Variants in RGPD4 observed in about 807,000 individuals in gnomAD.
The protein encoded by RGPD4 is ranBP2-like and GRIP domain-containing protein 4.
A neutral mutation model predicts 141.1 loss-of-function variants in RGPD4; 84 were observed. That is an observed-to-expected ratio of 0.60 (90% CI 0.50 to 0.71). RGPD4 has a LOEUF of 0.71. Ranked by LOEUF, RGPD4 falls within the 30% of genes least tolerant of loss-of-function variation. The pLI, the probability that RGPD4 is intolerant of heterozygous loss-of-function variation, is 0.00. For synonymous variants in RGPD4, 298 were observed against 566.8 expected, an observed-to-expected ratio of 0.53 and a Z score of 6.74; for missense variants, 918 against 1,622.4, an observed-to-expected ratio of 0.57 and a Z score of 7.46.
chr2:107,870,787 C>T lies in RGPD4; in HGVS notation c.2783C>T (p.Ser928Leu), dbSNP rs199639398. 183 of 1,608,098 alleles carry T rather than the reference C, an allele frequency of 1.1e-4. 3 individuals carry two copies. The highest frequency in any genetic ancestry group is 4.7e-4 in the East Asian group (21 of 44,852). The change falls in exon 20 of 23, where the codon TCG becomes TTG. Residue 928 changes from serine (S) to leucine (L), a missense_variant. By Grantham distance (145) the Ser-to-Leu change is moderately radical (BLOSUM62 -2). Transcript: ENST00000408999. ...VSADGFKFGI[S>L]EPGNQEKESE... The stretch of plus-strand genomic sequence containing the variant: ...GCTGATGGATTTAAATTTGGCATTT[C>T]GGAACCAGGAAATCAAGAAAAGGAA...
At chr2:107,873,669 A>T (rs1323004466) in intron 20 of RGPD4, among the ~76,000 whole-genome samples, 1 of 151,854 alleles carries the variant, frequency 6.6e-6, no homozygotes, top group Non-Finnish European at 1.5e-5. Context: ...AGGAGCAAAG[A>T]ATGAAACTAC....
intron 1 of RGPD4, among the ~76,000 whole-genome samples, chr2:107,833,126 A>G (rs1681552430): frequency 6.8e-6 from 1 of 147,400 alleles, no homozygotes; most frequent in Admixed American, 6.7e-5. Context: ...ACAGATTTGT[A>G]GCTGATCAGA....
chr2:107,829,587 C>T (rs866337730), intron 1 of RGPD4, among the ~76,000 whole-genome samples: 5 of 148,840 alleles, frequency 3.4e-5, no homozygotes, highest in African/African-American at 7.7e-5. Flanking sequence ...TCATGGCTCC[C>T]GACGGGCGCT....
intron 22 of RGPD4, among the ~76,000 whole-genome samples, chr2:107,887,198 C>G (rs1205077715): frequency 6.6e-6 from 1 of 151,860 alleles, no homozygotes; most frequent in African/African-American, 2.4e-5. Flanking sequence ...AACTTCTGGT[C>G]GAAATCCTGG....
In RGPD4 at chr2:107,872,190, G is replaced by C. The variant is rs561368864; in HGVS notation, c.4186G>C (p.Val1396Leu). Residue 1396 changes from valine (V) to leucine (L), a missense_variant, in exon 20 of 23, where the codon GTG (valine) becomes CTG (leucine). Physicochemically the swap from Val to Leu is conservative, Grantham distance 32. Transcript: ENST00000408999. ...QNYDNKQVRIVMRRDQVLKLC... is the reference protein window; with the variant it reads ...QNYDNKQVRILMRRDQVLKLC... Reference sequence around the variant, plus strand: ...TTATGATAATAAGCAAGTTCGTATAGTGATGAGAAGGGACCAAGTATTAAA... The same window carrying C: ...TTATGATAATAAGCAAGTTCGTATACTGATGAGAAGGGACCAAGTATTAAA... 5.2e-5 allele frequency: 83 copies of C among 1,611,596 alleles called. 2 individuals carry two copies. In the African/African-American group the frequency reaches 7.6e-4, roughly 15 times the overall value.
At chr2:107,881,408 C>A (rs1321921177) in intron 21 of RGPD4, among the ~76,000 whole-genome samples, 1 of 151,732 alleles carries the variant, frequency 6.6e-6, no homozygotes, top group Non-Finnish European at 1.5e-5. Context: ...ATCTCCGCCT[C>A]CCAGGTTCAA....
chr2:107,828,000 TCGACCCGGCCCGGCGGCGGCCG>T, intron 1 of RGPD4, among the ~76,000 whole-genome samples: 1 of 54,128 alleles, frequency 1.8e-5, no homozygotes, highest in Non-Finnish European at 3.6e-5. Context: ...GGCGGCGGCC[TCGACCCGGCCCGGCGGCGGCCG>T]CGATGGCTCA....
chr2:107,827,221 G>C (rs62159107), intron 1 of RGPD4, 136 bp downstream of exon 1: 2 of 520,648 alleles, frequency 3.8e-6, no homozygotes, highest in Admixed American at 9.5e-5. Context: ...CTCTGTTGAG[G>C]CGGCGGCCTC....
chr2:107,832,814 T>A (rs1463795904), intron 1 of RGPD4, among the ~76,000 whole-genome samples: 1 of 151,828 alleles, frequency 6.6e-6, no homozygotes, highest in South Asian at 2.1e-4. Flanking sequence ...GAGATTCTTG[T>A]TCTTGGTAAC....
In RGPD4 at chr2:107,872,825, C is replaced by A. The variant is rs779677153; in HGVS notation, c.4821C>A (p.Asn1607Lys). Residue 1607 changes from asparagine (N) to lysine (K), a missense_variant, in exon 20 of 23, where the codon AAC (asparagine) becomes AAA (lysine). By Grantham distance (94) the Asn-to-Lys change is moderately conservative (BLOSUM62 0). Coordinates refer to ENST00000408999, the MANE Select transcript of RGPD4 (RefSeq NM_182588.3). Reference protein sequence around the residue: ...VEPKKCELSKNSDIEQSSDSK... With the variant: ...VEPKKCELSKKSDIEQSSDSK... ...CTAAAAAATGTGAACTGTCAAAGAA[C>A]TCTGATATCGAACAGTCTTCAGATA... 1 of 1,608,024 alleles carries A rather than the reference C, an allele frequency of 6.2e-7. No homozygotes were observed. Among genetic ancestry groups the A allele is most frequent in the Non-Finnish European group, 8.5e-7 (1 of 1,178,806 alleles).
intron 1 of RGPD4, among the ~76,000 whole-genome samples, chr2:107,829,576 G>C (rs1319575242): frequency 6.7e-6 from 1 of 149,730 alleles, no homozygotes; most frequent in Non-Finnish European, 1.5e-5. Flanking sequence ...TGGCTCAGGC[G>C]TCATGGCTCC....
intron 17 of RGPD4, among the ~76,000 whole-genome samples, chr2:107,865,243 A>G (rs1573509975): frequency 6.6e-6 from 1 of 152,400 alleles, no homozygotes; most frequent in East Asian, 1.9e-4. Context: ...AACAGTGTAG[A>G]TAGTATAAAA....
At chr2:107,884,518 A>G (rs886245978) in intron 22 of RGPD4, among the ~76,000 whole-genome samples, 2 of 148,052 alleles carry the variant, frequency 1.4e-5, no homozygotes, top group African/African-American at 5.0e-5. Flanking sequence ...GGTTTTAATC[A>G]TTACAGGGTA....
chr2:107,828,681 G>A (rs1396122344), intron 1 of RGPD4, among the ~76,000 whole-genome samples: 8 of 22,074 alleles, frequency 3.6e-4, no homozygotes, highest in Non-Finnish European at 7.4e-4. Context: ...CTGCTCCCTG[G>A]CGCGCTCTGT....
At position 107,878,655 on chromosome 2, in the gene RGPD4, GGATGGATGGATGA is replaced by G. The variant is rs1683162796; in HGVS notation, c.4925-1300_4925-1288del. 2.6e-5 allele frequency among the ~76,000 whole-genome samples: 3 copies of G among 117,482 alleles called. No individual in the cohort carries two copies. In the Admixed American group the frequency reaches 2.8e-4, roughly 11 times the overall value. The allele number at this position is 117,482 out of a possible 152,430, so 77.1% of individuals were successfully genotyped here. A position where few individuals can be genotyped will look rare whatever the true frequency, so the allele number is the denominator to read the frequency against. On this transcript the variant is annotated intron_variant, in intron 20 of 22. Coordinates refer to ENST00000408999, the MANE Select transcript of RGPD4 (RefSeq NM_182588.3). Reference sequence around the variant, plus strand: ...GAGGGACAGAGCTAATTGGATGGTTGGATGGATGGATGAGATGGATGGATGGATGCTTATTAAG... The same window carrying G: ...GAGGGACAGAGCTAATTGGATGGTTGGATGGATGGATGGATGCTTATTAAG...
chr2:107,881,769 C>T lies in RGPD4; in HGVS notation c.5065-903C>T, dbSNP rs1223375110. Among the ~76,000 whole-genome samples, 3 of 151,420 alleles carry T rather than the reference C, an allele frequency of 2.0e-5. No homozygotes were observed. The East Asian group carries it at 5.8e-4, about 29-fold the overall frequency. On this transcript the variant is annotated intron_variant, in intron 21 of 22. Coordinates refer to ENST00000408999, the MANE Select transcript of RGPD4 (RefSeq NM_182588.3). Reference sequence around the variant, plus strand: ...TATACTAAAAGCTATGGCTTGGTTTCAACCTGGAAATCTTCCTCAAAGACT... The same window carrying T: ...TATACTAAAAGCTATGGCTTGGTTTTAACCTGGAAATCTTCCTCAAAGACT...
At chr2:107,882,099 G>A (rs1393799173) in intron 21 of RGPD4, among the ~76,000 whole-genome samples, 1 of 151,862 alleles carries the variant, frequency 6.6e-6, no homozygotes, top group African/African-American at 2.4e-5. Flanking sequence ...GCTCCTCATG[G>A]AGACGTTCCA....
chr2:107,826,905 G>T lies in RGPD4; in HGVS notation c.-109G>T. 6.5e-7 allele frequency: 1 copy of T among 1,543,354 alleles called. No individual in the cohort carries two copies. Among genetic ancestry groups the T allele is most frequent in the Non-Finnish European group, 8.7e-7 (1 of 1,143,682 alleles). ...CACAAGTTCGTCACAGTGGTCCTCC[G>T]CCGGCTACGCGGAGTCAGTGGCTTT... On this transcript the variant is annotated 5_prime_UTR_variant, in exon 1 of 23. Coordinates refer to ENST00000408999, the MANE Select transcript of RGPD4 (RefSeq NM_182588.3).
chr2:107,831,045 G>T (rs1681466599), intron 1 of RGPD4, among the ~76,000 whole-genome samples: 1 of 143,240 alleles, frequency 7.0e-6, no homozygotes, highest in South Asian at 2.4e-4. Flanking sequence ...GGGCGTGGTG[G>T]CAGCGCCTGT....
Sources: gnomAD v4.1 joint callset for allele counts (sites outside exome capture counted in the v4.1 genomes callset) on GRCh38, gnomAD v4.1.1 for gene constraint, MANE v1.5 for transcripts, NCBI Gene and HGNC (gene_info 2026-07-23, HGNC 2026-07-21) for gene names.